The following STAG1 variants were observed in gnomAD, a reference collection of about 807,000 sequenced individuals.
The protein encoded by STAG1 is STAG1 cohesin complex component.
A neutral mutation model predicts 170.9 loss-of-function variants in STAG1; 26 were observed. The observed-to-expected ratio is 0.15, with a 90% CI of 0.11 to 0.21. STAG1 has a LOEUF of 0.21. Among genes scored for constraint, STAG1 ranks in the 10% least tolerant of loss-of-function variants. The probability of loss-of-function intolerance (pLI) is 1.00; values close to 1 mark genes in which losing one functional copy is unlikely to be tolerated. For missense variants in STAG1, 964 were observed against 1,509.5 expected, an observed-to-expected ratio of 0.64 and a Z score of 5.99; for synonymous variants, 514 against 497.7, an observed-to-expected ratio of 1.03 and a Z score of -0.44.
Position 136,604,351 on chromosome 3 carries a change from G to C in STAG1, c.255C>G (p.Val85=), listed in dbSNP as rs750503206. ...HPQQNGEGEP[V]TLFEVVKLGK... Reference sequence around the variant, plus strand: ...CCAGTTTCACCACCTCAAATAATGTGACAGGCTCCCCTTCCCCATTCTGTT... The same window carrying C: ...CCAGTTTCACCACCTCAAATAATGTCACAGGCTCCCCTTCCCCATTCTGTT... The change falls in exon 4 of 34, where the codon GTC becomes GTG. Residue 85 remains valine (V), a synonymous_variant. Coordinates refer to ENST00000383202, the MANE Select transcript of STAG1 (RefSeq NM_005862.3). 1 of 1,612,286 alleles carries C rather than the reference G, an allele frequency of 6.2e-7. No homozygotes were observed.
At chr3:136,419,751 C>A (rs533193724) in intron 20 of STAG1, among the ~76,000 whole-genome samples, 41 of 151,788 alleles carry the variant, frequency 2.7e-4, no homozygotes, top group Admixed American at 1.1e-3. Context: ...GCATAAGCCA[C>A]CATGCCTGGT....
chr3:136,605,897 C>G (rs1019761260), intron 3 of STAG1, among the ~76,000 whole-genome samples: 7 of 152,134 alleles, frequency 4.6e-5, no homozygotes, highest in African/African-American at 1.7e-4. Flanking sequence ...GTACCTGCTC[C>G]CTGCATTTGC....
intron 19 of STAG1, 60 bp downstream of exon 19, chr3:136,422,350 G>A (rs1359048807): frequency 6.8e-7 from 1 of 1,466,002 alleles, no homozygotes; most frequent in African/African-American, 1.4e-5. Flanking sequence ...TACACACTCA[G>A]CTATCTTAAG....
intron 1 of STAG1, among the ~76,000 whole-genome samples, chr3:136,655,049 A>G (rs535258160): frequency 2.0e-5 from 3 of 152,248 alleles, no homozygotes; most frequent in Non-Finnish European, 4.4e-5. Flanking sequence ...CAGAAAAAAC[A>G]TAAGACAAAA....
chr3:136,451,589 C>G (rs941824067), intron 14 of STAG1, among the ~76,000 whole-genome samples: 1 of 151,974 alleles, frequency 6.6e-6, no homozygotes, highest in Non-Finnish European at 1.5e-5. Context: ...ATGGTGAAAC[C>G]CCGTCTCTAC....
At chr3:136,742,323 T>A (rs572416559) in intron 1 of STAG1, among the ~76,000 whole-genome samples, 1 of 152,290 alleles carries the variant, frequency 6.6e-6, no homozygotes, top group South Asian at 2.1e-4. Context: ...TAAGTTTCAA[T>A]AAATTTTAAA....
intron 7 of STAG1, among the ~76,000 whole-genome samples, chr3:136,518,575 T>C (rs1934497807): frequency 6.6e-6 from 1 of 152,116 alleles, no homozygotes; most frequent in South Asian, 2.1e-4. Context: ...TGTGCTTTGT[T>C]GAAGGGTAGG....
At chr3:136,379,457 C>T (rs1937814535) in intron 22 of STAG1, among the ~76,000 whole-genome samples, 1 of 152,138 alleles carries the variant, frequency 6.6e-6, no homozygotes, top group South Asian at 2.1e-4. Flanking sequence ...GCCTGTAATC[C>T]CAGCACTTTG....
intron 29 of STAG1, among the ~76,000 whole-genome samples, chr3:136,346,401 T>G (rs1182552191): frequency 6.6e-6 from 1 of 152,230 alleles, no homozygotes; most frequent in Admixed American, 6.5e-5. Flanking sequence ...TTTTCATCTC[T>G]GAAGGATGAA....
At position 136,617,593 on chromosome 3, in the gene STAG1, TAAC is replaced by T. The variant is rs139016147; in HGVS notation, c.132+5550_132+5552del. 3.5e-3 allele frequency among the ~76,000 whole-genome samples: 538 copies of T among 152,280 alleles called. 15 individuals are homozygous for T. The highest frequency in any genetic ancestry group is 0.026 in the Admixed American group (396 of 15,298). On this transcript the variant is annotated intron_variant, in intron 3 of 33. Transcript: ENST00000383202. The stretch of plus-strand genomic sequence containing the variant: ...CTAGCTTAGTCCTCATAAAACCTGG[TAAC>T]AACAGGGTTGGTACTTTTACTCTCT...
chr3:136,642,398 A>G (rs1343039097), intron 1 of STAG1, among the ~76,000 whole-genome samples: 2 of 149,936 alleles, frequency 1.3e-5, no homozygotes, highest in Admixed American at 6.7e-5. Context: ...CAGACTCCCA[A>G]GTAGCTGGGA....
At chr3:136,465,381 A>G (rs2107799913) in intron 12 of STAG1, among the ~76,000 whole-genome samples, 1 of 151,634 alleles carries the variant, frequency 6.6e-6, no homozygotes, top group South Asian at 2.1e-4. Context: ...CACCACGCTC[A>G]GCTAATTTTT....
intron 22 of STAG1, among the ~76,000 whole-genome samples, chr3:136,389,047 C>T (rs975669894): frequency 1.3e-5 from 2 of 152,156 alleles, no homozygotes; most frequent in South Asian, 2.1e-4. Context: ...CCTCCTGCCT[C>T]GGCCTCCCAA....
At chr3:136,350,387 G>C (rs1200700408) in intron 28 of STAG1, among the ~76,000 whole-genome samples, 1 of 152,156 alleles carries the variant, frequency 6.6e-6, no homozygotes, top group African/African-American at 2.4e-5. Flanking sequence ...CCTGTGTTGT[G>C]TAAGTTCTAT....
intron 28 of STAG1, among the ~76,000 whole-genome samples, chr3:136,355,106 A>G: frequency 6.6e-6 from 1 of 152,010 alleles, no homozygotes. Context: ...TAATCCCAGC[A>G]CTTTGGGAGG....
chr3:136,518,492 G>C (rs1443128091), intron 7 of STAG1: 1 of 658,440 alleles, frequency 1.5e-6, no homozygotes, highest in Non-Finnish European at 2.8e-6. Flanking sequence ...AGAGGGCAAA[G>C]ATGAGAACAA....
intron 1 of STAG1, among the ~76,000 whole-genome samples, chr3:136,654,139 C>A (rs1439072772): frequency 6.6e-6 from 1 of 151,994 alleles, no homozygotes; most frequent in Non-Finnish European, 1.5e-5. Flanking sequence ...CTAATCAGAG[C>A]AATTAGGCAA....
At chr3:136,602,878 G>A (rs1938738256) in intron 4 of STAG1, among the ~76,000 whole-genome samples, 1 of 151,910 alleles carries the variant, frequency 6.6e-6, no homozygotes, top group East Asian at 1.9e-4. Context: ...CAAGCTTAAT[G>A]GCAAAAGGTC....
intron 5 of STAG1, among the ~76,000 whole-genome samples, chr3:136,553,705 C>T (rs771499096): frequency 1.3e-5 from 2 of 152,352 alleles, no homozygotes; most frequent in Non-Finnish European, 2.9e-5. Flanking sequence ...ACCCAGGAGG[C>T]AGAGATTGCC....
Sources: gnomAD v4.1 joint callset for allele counts (sites outside exome capture counted in the v4.1 genomes callset) on GRCh38, gnomAD v4.1.1 for gene constraint, MANE v1.5 for transcripts, NCBI Gene and HGNC (gene_info 2026-07-23, HGNC 2026-07-21) for gene names.